The following ETV6 variants were observed in gnomAD, a reference collection of about 807,000 sequenced individuals.
ETV6 encodes the protein ETS variant transcription factor 6.
A neutral mutation model predicts 51.1 loss-of-function variants in ETV6; 16 were observed. The ratio of observed to expected loss-of-function variants is 0.31; its 90% CI spans 0.21 to 0.48. The LOEUF (loss-of-function observed/expected upper bound fraction) is 0.48, where lower values mean the gene tolerates loss of function less well. Among genes scored for constraint, ETV6 ranks in the 20% least tolerant of loss-of-function variants. The probability of loss-of-function intolerance (pLI) is 0.99; values close to 1 mark genes in which losing one functional copy is unlikely to be tolerated. For missense variants in ETV6, 458 were observed against 594.8 expected (o/e 0.77, Z 2.39); for synonymous variants, 240 against 224.1 (o/e 1.07, Z -0.64).
intron 6 of ETV6, among the ~76,000 whole-genome samples, chr12:11,884,980 C>A (rs1947163329): frequency 6.6e-6 from 1 of 152,190 alleles, no homozygotes; most frequent in Admixed American, 6.5e-5. Flanking sequence ...TTAGAAACTC[C>A]CATGTTCCCC....
chr12:11,883,792 T>C (rs993759456), intron 5 of ETV6, among the ~76,000 whole-genome samples: 1 of 152,212 alleles, frequency 6.6e-6, no homozygotes, highest in Non-Finnish European at 1.5e-5. Context: ...AAACATTTTT[T>C]AAAGACCTCC....
intron 2 of ETV6, among the ~76,000 whole-genome samples, chr12:11,792,804 G>GA (rs1475627336): frequency 6.6e-6 from 1 of 152,126 alleles, no homozygotes; most frequent in Non-Finnish European, 1.5e-5. Flanking sequence ...CTAAGGGGCA[G>GA]AAAAAGGAGG....
At chr12:11,796,775 T>TGTG (rs1565529820) in intron 2 of ETV6, among the ~76,000 whole-genome samples, 11 of 108,962 alleles carry the variant, frequency 1.0e-4, no homozygotes, top group African/African-American at 3.9e-4. Context: ...TCTTTTTTTT[T>TGTG]TTTTTGTGTG....
At chr12:11,738,916 G>A (rs1005495552) in intron 1 of ETV6, among the ~76,000 whole-genome samples, 2 of 152,094 alleles carry the variant, frequency 1.3e-5, no homozygotes, top group Admixed American at 6.5e-5. Flanking sequence ...AGGTGTCTCC[G>A]AAGTGTTATG....
At position 11,868,438 on chromosome 12, in the gene ETV6, C is replaced by CTTT. The variant is rs71057775; in HGVS notation, c.464-971_464-969dup. ...GTTGGGGGTTTTTTTCTTTTTTCTTCTTTTTTTTTTTTTTTTTGAGACAAA... is the reference window on the plus strand; with the variant it reads ...GTTGGGGGTTTTTTTCTTTTTTCTTCTTTTTTTTTTTTTTTTTTTTGAGACAAA... On this transcript the variant is annotated intron_variant, in intron 4 of 7. Coordinates refer to ENST00000396373, the MANE Select transcript of ETV6 (RefSeq NM_001987.5). 1.3e-4 allele frequency among the ~76,000 whole-genome samples: 17 copies of CTTT among 127,944 alleles called. 1 individual carries two copies. The highest frequency in any genetic ancestry group is 3.2e-4 in the African/African-American group (11 of 34,198). The allele number at this position is 127,944 out of a possible 152,430, so 83.9% of individuals were successfully genotyped here.
At chr12:11,805,382 C>T (rs1945813877) in intron 2 of ETV6, among the ~76,000 whole-genome samples, 1 of 152,152 alleles carries the variant, frequency 6.6e-6, no homozygotes, top group Non-Finnish European at 1.5e-5. Flanking sequence ...TGGGTTTGTA[C>T]CTTTTTTATT....
intron 2 of ETV6, among the ~76,000 whole-genome samples, chr12:11,833,156 A>G (rs191072380): frequency 6.6e-6 from 1 of 152,360 alleles, no homozygotes; most frequent in East Asian, 1.9e-4. Context: ...GGTGATTATA[A>G]CAATAACAGT....
chr12:11,714,602 T>G (rs1865236010), intron 1 of ETV6, among the ~76,000 whole-genome samples: 1 of 138,766 alleles, frequency 7.2e-6, no homozygotes, highest in Non-Finnish European at 1.5e-5. Flanking sequence ...CAACTTATAG[T>G]CCAGCTATAG....
chr12:11,784,888 G>A lies in ETV6; in HGVS notation c.163+32309G>A, dbSNP rs1945463607. Among the ~76,000 whole-genome samples, 6 of 56,308 alleles carry A rather than the reference G, an allele frequency of 1.1e-4. No homozygotes were observed. In the South Asian group the frequency reaches 3.4e-3, roughly 32 times the overall value. 36.9% of individuals were successfully genotyped at this position (56,308 alleles called of 152,430 possible). ...TTTTTTTTTTTTTTTTTTTTTTTTG[G>A]TAGAAATGAGGTCTCACTATGTTAC... On this transcript the variant is annotated intron_variant, in intron 2 of 7. Coordinates refer to ENST00000396373, the MANE Select transcript of ETV6 (RefSeq NM_001987.5).
chr12:11,878,840 A>C, intron 5 of ETV6, among the ~76,000 whole-genome samples: 1 of 149,282 alleles, frequency 6.7e-6, no homozygotes, highest in African/African-American at 2.5e-5. Context: ...AAAAAAAAAA[A>C]AACAAGCAGC....
chr12:11,762,688 A>T (rs1945106122), intron 2 of ETV6, among the ~76,000 whole-genome samples: 1 of 152,098 alleles, frequency 6.6e-6, no homozygotes, highest in Admixed American at 6.5e-5. Context: ...CACTTATACC[A>T]TCCCCTGGGC....
chr12:11,811,730 C>G (rs929143476), intron 2 of ETV6, among the ~76,000 whole-genome samples: 1 of 152,050 alleles, frequency 6.6e-6, no homozygotes, highest in Non-Finnish European at 1.5e-5. Flanking sequence ...ACTTTTCACA[C>G]GTAAAATTTT....
At chr12:11,783,091 TGA>T (rs1466886346) in intron 2 of ETV6, among the ~76,000 whole-genome samples, 9 of 151,842 alleles carry the variant, frequency 5.9e-5, no homozygotes. Context: ...AACATTCAAG[TGA>T]TTAAGCAGAT....
At position 11,748,703 on chromosome 12, in the gene ETV6, G is replaced by T. The variant is rs1865952871; in HGVS notation, c.34-3747G>T. ...AAATGCCATTCTCCTACTGAGCACAGACTGTATACACCTATTTTACAGGGA... is the reference window on the plus strand; with the variant it reads ...AAATGCCATTCTCCTACTGAGCACATACTGTATACACCTATTTTACAGGGA... On this transcript the variant is annotated intron_variant, in intron 1 of 7. Transcript: ENST00000396373. 3.9e-5 allele frequency among the ~76,000 whole-genome samples: 6 copies of T among 152,294 alleles called. No individual in the cohort carries two copies. The South Asian group carries it at 1.2e-3, about 32-fold the overall frequency.
rs1947360045 is a variant in ETV6 at position 11,894,424 on chromosome 12, T to C, written c.*3378T>C. 1 of 233,214 alleles carries C rather than the reference T, an allele frequency of 4.3e-6. No homozygotes were observed. The highest frequency in any genetic ancestry group is 1.3e-3 in the Middle Eastern group (1 of 786). 14.4% of individuals were successfully genotyped at this position (233,214 alleles called of 1,614,324 possible). A position where few individuals can be genotyped will look rare whatever the true frequency, so the allele number is the denominator to read the frequency against. On this transcript the variant is annotated 3_prime_UTR_variant, in exon 8 of 8. Transcript: ENST00000396373. Reference sequence around the variant, plus strand: ...TGAAGGTAACATGAACTCTAAGATCTTGACCCAGGGCGACTTGGTTTTGCT... The same window carrying C: ...TGAAGGTAACATGAACTCTAAGATCCTGACCCAGGGCGACTTGGTTTTGCT...
intron 5 of ETV6, among the ~76,000 whole-genome samples, chr12:11,872,175 C>T (rs1591738211): frequency 2.0e-5 from 3 of 152,332 alleles, no homozygotes; most frequent in East Asian, 3.9e-4. Flanking sequence ...GTCATTTGTA[C>T]AGGGGAAACC....
chr12:11,659,153 G>GTT (rs1026260506), intron 1 of ETV6, among the ~76,000 whole-genome samples: 1 of 152,214 alleles, frequency 6.6e-6, no homozygotes, highest in Non-Finnish European at 1.5e-5. Context: ...ATACAGAAGA[G>GTT]TTTGAAAAGG....
chr12:11,851,978 T>C (rs1279088404), intron 3 of ETV6, among the ~76,000 whole-genome samples: 2 of 152,210 alleles, frequency 1.3e-5, no homozygotes, highest in African/African-American at 4.8e-5. Flanking sequence ...TTTAAGTTGG[T>C]AATTAAAATG....
intron 2 of ETV6, among the ~76,000 whole-genome samples, chr12:11,821,706 G>A (rs575418225): frequency 6.6e-6 from 1 of 152,232 alleles, no homozygotes; most frequent in South Asian, 2.1e-4. Flanking sequence ...GCCGGGTATG[G>A]TGGCTCACTT....
Sources: gnomAD v4.1 joint callset for allele counts (sites outside exome capture counted in the v4.1 genomes callset) on GRCh38, gnomAD v4.1.1 for gene constraint, MANE v1.5 for transcripts, NCBI Gene and HGNC (gene_info 2026-07-23, HGNC 2026-07-21) for gene names.